Variants in LTBP2 observed in about 807,000 individuals in gnomAD.
LTBP2 encodes latent transforming growth factor beta binding protein 2, also known as latent-transforming growth factor beta-binding protein 2.
In LTBP2, 103 loss-of-function variants were observed where a neutral mutation model predicts 210.6. The observed-to-expected ratio is 0.49, with a 90% CI of 0.42 to 0.58. The LOEUF (loss-of-function observed/expected upper bound fraction) is 0.58, where lower values mean the gene tolerates loss of function less well. Among genes scored for constraint, LTBP2 ranks in the 20% least tolerant of loss-of-function variants. LTBP2 has a pLI of 0.00. For synonymous variants in LTBP2, 1,007 were observed against 1,015.0 expected (o/e 0.99, Z 0.15); for missense variants, 2,313 against 2,494.5 (o/e 0.93, Z 1.55).
At chr14:74,517,161 C>T (rs539518322) in intron 17 of LTBP2, among the ~76,000 whole-genome samples, 3 of 152,282 alleles carry the variant, frequency 2.0e-5, no homozygotes, top group Admixed American at 2.0e-4. Context: ...GAGTTCCTTT[C>T]TCTCAGGGGA....
intron 17 of LTBP2, 64 bp downstream of exon 17, chr14:74,521,847 G>T: frequency 6.2e-7 from 1 of 1,605,914 alleles, no homozygotes; most frequent in South Asian, 1.1e-5. Flanking sequence ...GTGAACCCCT[G>T]GTTCCTCTTC....
chr14:74,538,715 C>T (rs1595261819), intron 8 of LTBP2, among the ~76,000 whole-genome samples: 1 of 152,156 alleles, frequency 6.6e-6, no homozygotes, highest in South Asian at 2.1e-4. Flanking sequence ...AAATTAGTAA[C>T]GCTTAACTTT....
Position 74,509,247 on chromosome 14 carries a change from A to G in LTBP2, c.3394T>C (p.Ser1132Pro). ...GGYRPSPLGD[S>P]CEDVDECEDP... ...ACACAGAGGCTCATACCTTCACAGG[A>G]GTCACCCAGGGGGCTGGGCCGGTAG... is the stretch of plus-strand genomic sequence containing the variant. The change falls in exon 22 of 36, where the codon TCC (serine) becomes CCC (proline). Residue 1132 changes from serine to proline, a missense_variant. Ser to Pro is a moderately conservative substitution (Grantham distance 74). Around this residue, in one of 3 missense-constraint regions of LTBP2, gnomAD observed 1,867 missense variants for 1,976.9 expected, o/e 0.94. Coordinates refer to ENST00000261978, the MANE Select transcript of LTBP2 (RefSeq NM_000428.3). The G allele has an allele frequency of 6.8e-6, 11 of 1,613,540 alleles. No individual in the cohort carries two copies. The highest frequency in any genetic ancestry group is 9.3e-6 in the Non-Finnish European group (11 of 1,179,976).
At chr14:74,501,695 T>C in intron 34 of LTBP2, 105 bp from the exon 35 acceptor site, 1 of 1,427,880 alleles carries the variant, frequency 7.0e-7, no homozygotes, top group Admixed American at 1.8e-5. Flanking sequence ...CCTGTGGAAC[T>C]GTGGGGGTGG....
In LTBP2 at chr14:74,502,735, A is replaced by G. The variant is rs1365592563; in HGVS notation, c.5088T>C (p.Gly1696=). 3 of 1,614,170 alleles carry G rather than the reference A, an allele frequency of 1.9e-6. No homozygotes were observed. The Admixed American group carries it at 5.0e-5, about 27-fold the overall frequency. The change falls in exon 34 of 36, where the codon GGT becomes GGC. Residue 1696 remains glycine (G), a synonymous_variant. Coordinates refer to ENST00000261978, the MANE Select transcript of LTBP2 (RefSeq NM_000428.3). The stretch of plus-strand genomic sequence containing the variant: ...GGATGGGTGTGCGGTCCGCTGAGTG[A>G]CCGGCTGTGTTGGGGAAGGCAGGCT... The part of the protein sequence containing the change: ...VPEPAFPNTA[G]HSADRTPILE...
chr14:74,596,652 G>A (rs568015095), intron 2 of LTBP2, among the ~76,000 whole-genome samples: 12 of 152,342 alleles, frequency 7.9e-5, no homozygotes, highest in African/African-American at 2.9e-4. Context: ...GGCCCAGAGA[G>A]GCAGCAGGGA....
In LTBP2 at chr14:74,543,556, T is replaced by C. The variant is rs55736340; in HGVS notation, c.1789+6307A>G. The stretch of plus-strand genomic sequence containing the variant: ...CTCCCTTTTTCCTCCCTCCCTCCCT[T>C]CCTTCCTCCCTTCCTTCCCCACAGT... On this transcript the variant is annotated intron_variant, in intron 8 of 35. Coordinates refer to ENST00000261978, the MANE Select transcript of LTBP2 (RefSeq NM_000428.3). Among the ~76,000 whole-genome samples the C allele has an allele frequency of 5.2e-3, 777 of 148,644 alleles. 18 individuals carry two copies. The highest frequency in any genetic ancestry group is 0.019 in the African/African-American group (745 of 39,862).
At chr14:74,582,685 T>C (rs922160956) in intron 3 of LTBP2, among the ~76,000 whole-genome samples, 1 of 152,156 alleles carries the variant, frequency 6.6e-6, no homozygotes, top group South Asian at 2.1e-4. Context: ...AGAATTAGAA[T>C]GCACCAAAGC....
rs1032856745 is a variant in LTBP2, at chr14:74,529,081, A to T, written c.2029T>A (p.Ser677Thr). 1.9e-6 allele frequency: 3 copies of T among 1,554,806 alleles called. No individual in the cohort carries two copies. In the African/African-American group the frequency reaches 4.1e-5, roughly 21 times the overall value. ...ISMLQGLCYR[S>T]LGPGTCTLPL... ...AGGGTGCAGGTGCCGGGCCCCAGCG[A>T]CCGGTAGCACAGTCCCTGCAGCATG... is the stretch of plus-strand genomic sequence containing the variant. Residue 677 changes from serine to threonine, a missense_variant, in exon 11 of 36, where the codon TCG (serine) becomes ACG (threonine). Coordinates refer to ENST00000261978, the MANE Select transcript of LTBP2 (RefSeq NM_000428.3).
chr14:74,507,198 G>T lies in LTBP2; in HGVS notation c.3888C>A (p.Ala1296=). 6.2e-7 allele frequency: 1 copy of T among 1,614,114 alleles called. No homozygotes were observed. Among genetic ancestry groups the T allele is most frequent in the Non-Finnish European group, 8.5e-7 (1 of 1,180,016 alleles). ...ACTCACCAATGCAGTCTCCGTTCGG[G>T]GCCATGTGGAAGCCAGGCTGGCAGC... is the stretch of plus-strand genomic sequence containing the variant. ...VLGCQPGFHM[A]PNGDCIDIDE... Residue 1296 remains alanine, a synonymous_variant, in exon 26 of 36, where the codon GCC becomes GCA. Transcript: ENST00000261978.
chr14:74,553,126 C>T, intron 4 of LTBP2, 64 bp from the exon 5 acceptor site: 5 of 1,537,512 alleles, frequency 3.3e-6, no homozygotes, highest in Non-Finnish European at 3.6e-6. Flanking sequence ...CCTCCAGAGT[C>T]TGGTTAGAAA....
intron 2 of LTBP2, among the ~76,000 whole-genome samples, chr14:74,588,275 G>A (rs1293647483): frequency 6.6e-6 from 1 of 152,176 alleles, no homozygotes; most frequent in Non-Finnish European, 1.5e-5. Context: ...CAGGCTGGAT[G>A]CAATGACGCG....
intron 8 of LTBP2, among the ~76,000 whole-genome samples, chr14:74,538,933 G>C (rs2087457869): frequency 6.6e-6 from 1 of 152,200 alleles, no homozygotes; most frequent in African/African-American, 2.4e-5. Context: ...CGTGGGGCCT[G>C]GTGGTATAAA....
Position 74,523,868 on chromosome 14 carries a change from G to A in LTBP2, c.2531-950C>T, listed in dbSNP as rs145324574. ...GAATGGGTTGGGGAATGGTCTGTAC[G>A]TGGGTATACAGTGGGGCTTAACAGT... On this transcript the variant is annotated intron_variant, in intron 15 of 35. Transcript: ENST00000261978. 3.7e-4 allele frequency among the ~76,000 whole-genome samples: 57 copies of A among 152,198 alleles called. 2 individuals are homozygous for A. The East Asian group carries it at 6.6e-3, about 18-fold the overall frequency.
chr14:74,593,423 G>A (rs886092683), intron 2 of LTBP2, among the ~76,000 whole-genome samples: 2 of 152,160 alleles, frequency 1.3e-5, no homozygotes, highest in East Asian at 1.9e-4. Flanking sequence ...ATGTCATCTC[G>A]CTGAGATGTC....
intron 2 of LTBP2, among the ~76,000 whole-genome samples, chr14:74,603,284 C>T (rs561840214): frequency 1.3e-5 from 2 of 152,298 alleles, no homozygotes; most frequent in East Asian, 1.9e-4. Context: ...CCCATCAGCA[C>T]GCCTGGCTAA....
At chr14:74,505,834 G>A (rs980589457) in intron 28 of LTBP2, among the ~76,000 whole-genome samples, 1 of 152,152 alleles carries the variant, frequency 6.6e-6, no homozygotes, top group South Asian at 2.1e-4. Flanking sequence ...CCTCCTCTAG[G>A]ATCGTCGCCA....
In LTBP2 at chr14:74,507,275, A is replaced by G. The variant is rs2087004434; in HGVS notation, c.3811T>C (p.Cys1271Arg). ...DECEDYGDPV[C>R]GTWKCENSPG... ...CTGTTTTCACACTTCCAGGTGCCACACACCGGGTCTCCATAGTCCTCACAC... is the reference window on the plus strand; with the variant it reads ...CTGTTTTCACACTTCCAGGTGCCACGCACCGGGTCTCCATAGTCCTCACAC... The change falls in exon 26 of 36, where the codon TGT (cysteine) becomes CGT (arginine). Residue 1271 changes from cysteine (C) to arginine (R), a missense_variant. This residue lies in a region of LTBP2 where 1,867 missense variants were observed against 1,976.9 expected (regional missense o/e 0.94). Coordinates refer to ENST00000261978, the MANE Select transcript of LTBP2 (RefSeq NM_000428.3). The G allele has an allele frequency of 1.9e-6, 3 of 1,614,190 alleles. No homozygotes were observed. The South Asian group carries it at 3.3e-5, about 18-fold the overall frequency.
Position 74,611,693 on chromosome 14 carries a change from G to A in LTBP2, c.252C>T (p.Pro84=), listed in dbSNP as rs1410659796. The stretch of plus-strand genomic sequence containing the variant: ...CCCAGCCCGGCTGGGCCCGCTCCAC[G>A]GGCTGCAAGCCCGCGACAGGCGCGT... ...EQDAPVAGLQ[P]VERAQPGWGS... is the part of the protein sequence containing the mutation. Residue 84 remains proline (P), a synonymous_variant, in exon 1 of 36, where the codon CCC becomes CCT. Transcript: ENST00000261978. 18 of 1,581,908 alleles carry A rather than the reference G, an allele frequency of 1.1e-5. No individual in the cohort carries two copies. Among genetic ancestry groups the A allele is most frequent in the Non-Finnish European group, 1.5e-5 (18 of 1,170,432 alleles).
Sources: gnomAD v4.1 joint callset for allele counts (sites outside exome capture counted in the v4.1 genomes callset) on GRCh38, gnomAD v4.1.1 for gene constraint, gnomAD v4.1.1 regional missense constraint, MANE v1.5 for transcripts, NCBI Gene and HGNC (gene_info 2026-07-23, HGNC 2026-07-21) for gene names.